PRDM15: variants seen among roughly 807,000 people sequenced by gnomAD.
PRDM15 encodes the protein PR/SET domain 15.
PRDM15 carries 64 observed loss-of-function variants against 128.6 expected under a neutral mutation model. The ratio of observed to expected loss-of-function variants is 0.50; its 90% CI spans 0.41 to 0.61. PRDM15 has a LOEUF of 0.61. Among genes scored for constraint, PRDM15 ranks in the 20% least tolerant of loss-of-function variants. The pLI, the probability that PRDM15 is intolerant of heterozygous loss-of-function variation, is 0.00. For synonymous variants in PRDM15, 615 were observed against 621.8 expected (o/e 0.99, Z 0.16); for missense variants, 1,242 against 1,569.1 (o/e 0.79, Z 3.52).
chr21:41,841,642 GA>G (rs1349567690), intron 6 of PRDM15, among the ~76,000 whole-genome samples: 1 of 152,080 alleles, frequency 6.6e-6, no homozygotes, highest in Non-Finnish European at 1.5e-5. Flanking sequence ...GAGCAAATTA[GA>G]AAATACTTAG....
At chr21:41,819,352 C>T (rs1601188347) in intron 18 of PRDM15, among the ~76,000 whole-genome samples, 1 of 145,596 alleles carries the variant, frequency 6.9e-6, no homozygotes, top group Non-Finnish European at 1.5e-5. Context: ...TCCCAGTTCT[C>T]GCTCACATCC....
intron 11 of PRDM15, among the ~76,000 whole-genome samples, chr21:41,831,350 C>A (rs539037074): frequency 5.3e-5 from 8 of 152,240 alleles, no homozygotes; most frequent in Non-Finnish European, 1.2e-4. Context: ...AGATACCGGG[C>A]TTCCACCCAG....
At chr21:41,833,075 G>T (rs569813685) in intron 11 of PRDM15, among the ~76,000 whole-genome samples, 2 of 152,346 alleles carry the variant, frequency 1.3e-5, no homozygotes, top group African/African-American at 4.8e-5. Flanking sequence ...CGAAGGGAGA[G>T]GGGTGCAGGG....
intron 7 of PRDM15, 120 bp from the exon 8 acceptor site, chr21:41,838,183 G>A (rs987553216): frequency 1.2e-5 from 13 of 1,057,394 alleles, no homozygotes; most frequent in Non-Finnish European, 1.7e-5. Flanking sequence ...AGGCACAAAT[G>A]TTGAGGTTTA....
Position 41,800,982 on chromosome 21 carries a change from C to G in PRDM15, c.*258G>C. On this transcript the variant is annotated 3_prime_UTR_variant, in exon 24 of 24. Coordinates refer to ENST00000398548, the MANE Select transcript of PRDM15 (RefSeq NM_001040424.3). ...TAAGGGGAGGCAGATGCGGCCCCGG[C>G]CCAGGACTTACTGCCTTGGTAAGGC... The G allele has an allele frequency of 4.7e-6, 2 of 426,842 alleles. No individual in the cohort carries two copies. Among genetic ancestry groups the G allele is most frequent in the East Asian group, 7.2e-5 (2 of 27,960 alleles). The allele number at this position is 426,842 out of a possible 1,614,324, so 26.4% of individuals were successfully genotyped here. A position where few individuals can be genotyped will look rare whatever the true frequency, so the allele number is the denominator to read the frequency against.
At chr21:41,806,018 TCACCACCAC>T (rs1568879740) in intron 21 of PRDM15, among the ~76,000 whole-genome samples, 48 of 26,718 alleles carry the variant, frequency 1.8e-3, no homozygotes, top group East Asian at 4.4e-3. Flanking sequence ...ACCACCACCA[TCACCACCAC>T]CACCATCACC....
intron 2 of PRDM15, 48 bp downstream of exon 2, chr21:41,860,279 T>C (rs769057570): frequency 2.7e-6 from 4 of 1,507,112 alleles, no homozygotes; most frequent in Non-Finnish European, 2.8e-6. Context: ...CTGTGTTCTA[T>C]GACATAGGGC....
At chr21:41,878,666 G>A in intron 1 of PRDM15, 2 of 1,464,566 alleles carry the variant, frequency 1.4e-6, no homozygotes, top group South Asian at 2.4e-5. Flanking sequence ...ACGAAAATAA[G>A]GCGCAGGGGG....
Position 41,821,540 on chromosome 21 carries a change from GAAGGGGAGGGGAA to G in PRDM15, c.1897-323_1897-311del, listed in dbSNP as rs1048867005. Reference sequence around the variant, plus strand: ...AGCAGGGAGGAGGAGGGGGAGGAGAGAAGGGGAGGGGAAAAGGGGAGGAGAGAGGCGCCCCAGC... The same window carrying G: ...AGCAGGGAGGAGGAGGGGGAGGAGAGAAGGGGAGGAGAGAGGCGCCCCAGC... On this transcript the variant is annotated intron_variant, in intron 15 of 23. Transcript: ENST00000398548. This position sits in a 1 kb window ranked among gnomAD's most constrained non-coding sequence, Gnocchi z 5.4. 1.3e-5 allele frequency among the ~76,000 whole-genome samples: 2 copies of G among 152,156 alleles called. No homozygotes were observed. Among genetic ancestry groups the G allele is most frequent in the African/African-American group, 4.8e-5 (2 of 41,446 alleles).
At chr21:41,836,412 C>G in intron 9 of PRDM15, 56 bp downstream of exon 9, 1 of 1,549,592 alleles carries the variant, frequency 6.5e-7, no homozygotes, top group South Asian at 1.2e-5. Flanking sequence ...GTCCTCCCAC[C>G]CCCAGCCCCA....
At chr21:41,838,138 C>T (rs1458738938) in intron 7 of PRDM15, 75 bp from the exon 8 acceptor site, 7 of 1,521,534 alleles carry the variant, frequency 4.6e-6, no homozygotes, top group Non-Finnish European at 6.3e-6. Context: ...TGGTGACACA[C>T]TGCCCCATGG....
At chr21:41,878,990 C>T (rs2064534944) in intron 1 of PRDM15, 1 of 1,000,846 alleles carries the variant, frequency 1.0e-6, no homozygotes, top group Non-Finnish European at 1.2e-6. Context: ...CCCGCGGCGG[C>T]GGGACCCGGC....
At position 41,878,676 on chromosome 21, in the gene PRDM15, G is replaced by A. The variant is rs773015964; in HGVS notation, c.-10+594C>T. 87 of 1,524,360 alleles carry A rather than the reference G, an allele frequency of 5.7e-5. 1 individual carries two copies. In the Admixed American group the frequency reaches 1.5e-3, roughly 26 times the overall value. 94.4% of individuals were successfully genotyped at this position (1,524,360 alleles called of 1,614,324 possible). A position where few individuals can be genotyped will look rare whatever the true frequency, so the allele number is the denominator to read the frequency against. ...GGCTTACGAAAATAAGGCGCAGGGG[G>A]TCTGGGAGACCCCATCACCAGGACT... On this transcript the variant is annotated intron_variant, in intron 1 of 23. Transcript: ENST00000398548.
intron 13 of PRDM15, among the ~76,000 whole-genome samples, chr21:41,825,543 C>T (rs918132889): frequency 6.6e-6 from 1 of 152,214 alleles, no homozygotes; most frequent in Non-Finnish European, 1.5e-5. Context: ...AGAACGCCAG[C>T]CATCCACTGC....
Position 41,879,210 on chromosome 21 carries a change from G to T in PRDM15, c.-10+60C>A. The T allele has an allele frequency of 6.4e-6, 5 of 780,212 alleles. No homozygotes were observed. Among genetic ancestry groups the T allele is most frequent in the Non-Finnish European group, 7.8e-6 (5 of 645,034 alleles). 48.3% of individuals were successfully genotyped at this position (780,212 alleles called of 1,614,324 possible). ...GGGGCTCGCGGGGGCAGCGGGTGCG[G>T]CCCGGGGCCGGCGGGGCGCACGCCG... On this transcript the variant is annotated intron_variant, in intron 1 of 23. Transcript: ENST00000398548. The surrounding 1 kb of genome is among the most constrained non-coding windows in gnomAD (Gnocchi z 5.1).
chr21:41,865,152 G>GGCTCACTCCTCACTCCCCT (rs1481818808), intron 1 of PRDM15, among the ~76,000 whole-genome samples: 2 of 73,744 alleles, frequency 2.7e-5, no homozygotes, highest in East Asian at 6.9e-4. Flanking sequence ...CCCACTCCCC[G>GGCTCACTCCTCACTCCCCT]GCTCACTCCT....
intron 5 of PRDM15, among the ~76,000 whole-genome samples, chr21:41,849,342 T>C (rs1601377183): frequency 6.6e-6 from 1 of 151,726 alleles, no homozygotes; most frequent in Non-Finnish European, 1.5e-5. Flanking sequence ...CCCAGATGGG[T>C]GGATTACCTG....
intron 5 of PRDM15, among the ~76,000 whole-genome samples, chr21:41,847,974 T>C (rs181409356): frequency 2.6e-5 from 4 of 152,268 alleles, no homozygotes; most frequent in Admixed American, 6.5e-5. Flanking sequence ...CAACCTACAA[T>C]TGGGAGGCGT....
intron 7 of PRDM15, among the ~76,000 whole-genome samples, chr21:41,839,408 C>G (rs1450060435): frequency 1.3e-5 from 2 of 152,258 alleles, no homozygotes. Context: ...AAAATTCACA[C>G]CCTGTATCCT....
Sources: allele counts gnomAD v4.1 joint callset (sites outside exome capture counted in the v4.1 genomes callset), GRCh38; gene constraint gnomAD v4.1.1; non-coding constraint Gnocchi (gnomAD v3.1); transcripts MANE v1.5; gene names NCBI Gene and HGNC (gene_info 2026-07-23, HGNC 2026-07-21).